The following SPATA31E1 variants were observed in gnomAD, a reference collection of about 807,000 sequenced individuals.
The protein encoded by SPATA31E1 is spermatogenesis-associated protein 31E1.
SPATA31E1 carries 7 observed loss-of-function variants against 12.9 expected under a neutral mutation model. The ratio of observed to expected loss-of-function variants is 0.54; its 90% CI spans 0.31 to 1.02. The LOEUF (loss-of-function observed/expected upper bound fraction) is 1.02, where lower values mean the gene tolerates loss of function less well. Ranked by LOEUF, SPATA31E1 falls within the 50% of genes least tolerant of loss-of-function variation. The pLI is 0.05. For synonymous variants in SPATA31E1, 771 were observed against 719.0 expected (o/e 1.07, Z -1.16); for missense variants, 1,961 against 1,799.8 (o/e 1.09, Z -1.62).
chr9:87,883,878 C>T, intron 1 of SPATA31E1, 114 bp from the exon 2 acceptor site: 2 of 1,156,596 alleles, frequency 1.7e-6, no homozygotes, highest in Non-Finnish European at 1.2e-6. Context: ...ACACAGAGCT[C>T]CCTGAGCTAG....
Position 87,885,928 on chromosome 9 carries a change from G to T in SPATA31E1, c.1441G>T (p.Glu481Ter). The change falls in exon 4 of 4, where the codon GAA becomes TAA. Residue 481 changes from glutamate to a stop codon, truncating the protein, a stop_gained. Transcript: ENST00000325643. LOFTEE classifies it low-confidence loss of function (END_TRUNC). ...LDKASTSLPG[E>*]PEVEASSQLS... ...TAAAGCCTCCACTTCTCTTCCAGGT[G>T]AACCTGAGGTTGAGGCATCCTCACA... The T allele has an allele frequency of 6.2e-7, 1 of 1,613,912 alleles. No individual in the cohort carries two copies. The highest frequency in any genetic ancestry group is 8.5e-7 in the Non-Finnish European group (1 of 1,180,006).
At position 87,887,289 on chromosome 9, in the gene SPATA31E1, G is replaced by A. The variant is rs199598056; in HGVS notation, c.2802G>A (p.Pro934=). ...PPEQEGVQRP[P]RGSQSADTHG... ...AGCAGGAGGGAGTCCAGAGGCCCCC[G>A]AGAGGGTCCCAGTCAGCTGATACCC... The change falls in exon 4 of 4, where the codon CCG becomes CCA. Residue 934 remains proline (P), a synonymous_variant. Transcript: ENST00000325643. 1.0e-4 allele frequency: 162 copies of A among 1,613,722 alleles called. No individual in the cohort carries two copies. Among genetic ancestry groups the A allele is most frequent in the Non-Finnish European group, 1.2e-4 (140 of 1,180,008 alleles).
At position 87,888,303 on chromosome 9, in the gene SPATA31E1, G is replaced by A. The variant is rs774912250; in HGVS notation, c.3816G>A (p.Gln1272=). 6.2e-7 allele frequency: 1 copy of A among 1,613,980 alleles called. No homozygotes were observed. Among genetic ancestry groups the A allele is most frequent in the African/African-American group, 1.3e-5 (1 of 74,912 alleles). ...HFQRKISHHP[Q]GLHPRKGGTR... Reference sequence around the variant, plus strand: ...AGAGAAAGATCAGTCACCATCCACAGGGTCTACACCCCAGGAAAGGAGGCA... The same window carrying A: ...AGAGAAAGATCAGTCACCATCCACAAGGTCTACACCCCAGGAAAGGAGGCA... Residue 1272 remains glutamine (Q), a synonymous_variant, in exon 4 of 4, where the codon CAG becomes CAA. Coordinates refer to ENST00000325643, the MANE Select transcript of SPATA31E1 (RefSeq NM_178828.5).
In SPATA31E1 at chr9:87,886,613, G is replaced by T; in HGVS notation, c.2126G>T (p.Gly709Val). 1 of 1,614,030 alleles carries T rather than the reference G, an allele frequency of 6.2e-7. No homozygotes were observed. The change falls in exon 4 of 4, where the codon GGG (glycine) becomes GTG (valine). Residue 709 changes from glycine to valine, a missense_variant. Physicochemically the swap from Gly to Val is moderately radical, Grantham distance 109 (BLOSUM62 -3). Coordinates refer to ENST00000325643, the MANE Select transcript of SPATA31E1 (RefSeq NM_178828.5). ...SGRFSDKGCL[G>V]SKLGPDPSRD... Reference sequence around the variant, plus strand: ...AGGTTCTCTGACAAGGGGTGCTTAGGGTCCAAACTAGGGCCGGACCCAAGC... The same window carrying T: ...AGGTTCTCTGACAAGGGGTGCTTAGTGTCCAAACTAGGGCCGGACCCAAGC...
At position 87,886,101 on chromosome 9, in the gene SPATA31E1, T is replaced by C. The variant is rs138762446; in HGVS notation, c.1614T>C (p.Ser538=). The change falls in exon 4 of 4, where the codon TCT becomes TCC. Residue 538 remains serine, a synonymous_variant. Coordinates refer to ENST00000325643, the MANE Select transcript of SPATA31E1 (RefSeq NM_178828.5). Reference sequence around the variant, plus strand: ...CTGTCCCAAGCCTGGGGTGCTCTTCTCCACCCCAGATTAGGGGCTGTGGGG... The same window carrying C: ...CTGTCCCAAGCCTGGGGTGCTCTTCCCCACCCCAGATTAGGGGCTGTGGGG... ...SPPVPSLGCS[S]PPQIRGCGAS... The C allele has an allele frequency of 6.2e-7, 1 of 1,605,860 alleles. No individual in the cohort carries two copies. The highest frequency in any genetic ancestry group is 1.1e-5 in the South Asian group (1 of 89,822).
At position 87,887,319 on chromosome 9, in the gene SPATA31E1, G is replaced by A; in HGVS notation, c.2832G>A (p.Gly944=). Residue 944 remains glycine (G), a synonymous_variant, in exon 4 of 4, where the codon GGG becomes GGA. Coordinates refer to ENST00000325643, the MANE Select transcript of SPATA31E1 (RefSeq NM_178828.5). ...PRGSQSADTH[G]RSEAFPTGHK... ...GGTCCCAGTCAGCTGATACCCATGG[G>A]CGATCAGAGGCCTTTCCGACTGGAC... 10 of 1,613,822 alleles carry A rather than the reference G, an allele frequency of 6.2e-6. No individual in the cohort carries two copies. Among genetic ancestry groups the A allele is most frequent in the Non-Finnish European group, 8.5e-6 (10 of 1,180,032 alleles).
Position 87,888,403 on chromosome 9 carries a change from A to C in SPATA31E1, c.3916A>C (p.Arg1306=), listed in dbSNP as rs1828327929. The C allele has an allele frequency of 6.2e-7, 1 of 1,614,170 alleles. No individual in the cohort carries two copies. The highest frequency in any genetic ancestry group is 8.5e-7 in the Non-Finnish European group (1 of 1,180,032). The part of the protein sequence containing the change: ...AFQSWGSGPP[R]QFMDCMADKA... ...CCAGAGCTGGGGGTCTGGCCCACCA[A>C]GGCAGTTTATGGACTGCATGGCTGA... Residue 1306 remains arginine, a synonymous_variant, in exon 4 of 4, where the codon AGG becomes CGG. Transcript: ENST00000325643.
Position 87,882,964 on chromosome 9 carries a change from C to A in SPATA31E1, c.73C>A (p.Pro25Thr). 6.2e-7 allele frequency: 1 copy of A among 1,612,670 alleles called. No individual in the cohort carries two copies. The highest frequency in any genetic ancestry group is 8.5e-7 in the Non-Finnish European group (1 of 1,179,774). ...TGAGAGTGGGCAGAGGATTCCACCC[C>A]CAGCTCCCAGACCATCTGTGGAGTG... is the stretch of plus-strand genomic sequence containing the variant. The part of the protein sequence containing the change: ...RVESGQRIPP[P>T]APRPSVECTG... Residue 25 changes from proline (P) to threonine (T), a missense_variant, in exon 1 of 4, where the codon CCA becomes ACA. By Grantham distance (38) the Pro-to-Thr change is conservative (BLOSUM62 -1). Transcript: ENST00000325643.
At position 87,885,168 on chromosome 9, in the gene SPATA31E1, C is replaced by T. The variant is rs781617551; in HGVS notation, c.681C>T (p.Pro227=). ...STLSASGPPE[P]LLPLKCPATQ... ...TGAGTGCCTCCGGGCCACCAGAGCCCTTGCTTCCCCTAAAATGCCCTGCAA... is the reference window on the plus strand; with the variant it reads ...TGAGTGCCTCCGGGCCACCAGAGCCTTTGCTTCCCCTAAAATGCCCTGCAA... The change falls in exon 4 of 4, where the codon CCC becomes CCT. Residue 227 remains proline, a synonymous_variant. Coordinates refer to ENST00000325643, the MANE Select transcript of SPATA31E1 (RefSeq NM_178828.5). 1.2e-6 allele frequency: 2 copies of T among 1,614,160 alleles called. No individual in the cohort carries two copies. Among genetic ancestry groups the T allele is most frequent in the Non-Finnish European group, 8.5e-7 (1 of 1,180,024 alleles).
rs747905483 is a variant in SPATA31E1, at chr9:87,886,086, C to T, written c.1599C>T (p.Ser533=). 5 of 1,608,280 alleles carry T rather than the reference C, an allele frequency of 3.1e-6. No individual in the cohort carries two copies. The highest frequency in any genetic ancestry group is 1.3e-5 in the African/African-American group (1 of 74,812). ...TQAHLSPPVP[S]LGCSSPPQIR... Reference sequence around the variant, plus strand: ...CCCACCTCTCACCCCCTGTCCCAAGCCTGGGGTGCTCTTCTCCACCCCAGA... The same window carrying T: ...CCCACCTCTCACCCCCTGTCCCAAGTCTGGGGTGCTCTTCTCCACCCCAGA... Residue 533 remains serine, a synonymous_variant, in exon 4 of 4, where the codon AGC becomes AGT. Coordinates refer to ENST00000325643, the MANE Select transcript of SPATA31E1 (RefSeq NM_178828.5).
chr9:87,888,578 GCCA>G lies in SPATA31E1; in HGVS notation c.4095_4097del (p.His1365del). On this transcript the variant is annotated inframe_deletion, in exon 4 of 4. Coordinates refer to ENST00000325643, the MANE Select transcript of SPATA31E1 (RefSeq NM_178828.5). ...CCTTCCTGCTGCCACAGGGGTCACT[GCCA>G]CCAAGAACGTAGCAGAGAGATGAGA... 6.2e-7 allele frequency: 1 copy of G among 1,614,156 alleles called. No homozygotes were observed. Among genetic ancestry groups the G allele is most frequent in the Non-Finnish European group, 8.5e-7 (1 of 1,180,032 alleles).
At position 87,888,039 on chromosome 9, in the gene SPATA31E1, G is replaced by T; in HGVS notation, c.3552G>T (p.Gly1184=). The stretch of plus-strand genomic sequence containing the variant: ...ACAGTCCAGGGCAGCAGGAGCCTGG[G>T]AGCCCAAAAGCAAAGGCCCCACAGA... ...GGDSPGQQEP[G]SPKAKAPQKS... Residue 1184 remains glycine (G), a synonymous_variant, in exon 4 of 4, where the codon GGG becomes GGT. Transcript: ENST00000325643. 1.9e-6 allele frequency: 3 copies of T among 1,609,698 alleles called. No homozygotes were observed. The highest frequency in any genetic ancestry group is 2.5e-6 in the Non-Finnish European group (3 of 1,178,190).
At position 87,887,408 on chromosome 9, in the gene SPATA31E1, G is replaced by C; in HGVS notation, c.2921G>C (p.Arg974Thr). The change falls in exon 4 of 4, where the codon AGG (arginine) becomes ACG (threonine). Residue 974 changes from arginine to threonine, a missense_variant. Physicochemically the swap from Arg to Thr is moderately conservative, Grantham distance 71 (BLOSUM62 -1). Coordinates refer to ENST00000325643, the MANE Select transcript of SPATA31E1 (RefSeq NM_178828.5). ...CSLVGRTWQS[R>T]TVLESGKPKP... ...CTTGTGGGCAGAACCTGGCAGAGCAGGACTGTCCTGGAATCCGGGAAACCC... is the reference window on the plus strand; with the variant it reads ...CTTGTGGGCAGAACCTGGCAGAGCACGACTGTCCTGGAATCCGGGAAACCC... The C allele has an allele frequency of 6.2e-7, 1 of 1,613,830 alleles. No homozygotes were observed. Among genetic ancestry groups the C allele is most frequent in the East Asian group, 2.2e-5 (1 of 44,878 alleles).
Position 87,885,736 on chromosome 9 carries a change from C to A in SPATA31E1, c.1249C>A (p.Pro417Thr), listed in dbSNP as rs1274492568. Residue 417 changes from proline to threonine, a missense_variant, in exon 4 of 4, where the codon CCC (proline) becomes ACC (threonine). By Grantham distance (38) the Pro-to-Thr change is conservative. Transcript: ENST00000325643. ...WNVSTQPQQL[P>T]RPQQVSDATT... ...CGTGTCAACCCAGCCACAGCAGCTG[C>A]CCCGTCCTCAGCAAGTCTCTGATGC... is the stretch of plus-strand genomic sequence containing the variant. The A allele has an allele frequency of 6.2e-7, 1 of 1,613,964 alleles. No individual in the cohort carries two copies. The highest frequency in any genetic ancestry group is 1.7e-5 in the Admixed American group (1 of 60,026).
Position 87,886,391 on chromosome 9 carries a change from T to C in SPATA31E1, c.1904T>C (p.Ile635Thr), listed in dbSNP as rs1361510140. The C allele has an allele frequency of 6.2e-7, 1 of 1,613,474 alleles. No homozygotes were observed. Among genetic ancestry groups the C allele is most frequent in the Admixed American group, 1.7e-5 (1 of 59,998 alleles). ...CACTGGTGGCAAGGAAGGAATGCCA[T>C]CCACCAGGAGCAGTCCTGTGGCCCT... is the stretch of plus-strand genomic sequence containing the variant. ...PEHWWQGRNAIHQEQSCGPPS... is the reference protein window; with the variant it reads ...PEHWWQGRNATHQEQSCGPPS... The change falls in exon 4 of 4, where the codon ATC (isoleucine) becomes ACC (threonine). Residue 635 changes from isoleucine (I) to threonine (T), a missense_variant. Ile to Thr is a moderately conservative substitution (Grantham distance 89). Transcript: ENST00000325643.
rs1212116634 is a variant in SPATA31E1 at position 87,883,076 on chromosome 9, C to A, written c.185C>A (p.Thr62Asn). The stretch of plus-strand genomic sequence containing the variant: ...GCCACATGGCTGAGCCCTAGCTCCA[C>A]TCCCTGGATGATGGATTTCATCCTC... ...PSATWLSPSS[T>N]PWMMDFILTS... Residue 62 changes from threonine to asparagine, a missense_variant, in exon 1 of 4, where the codon ACT becomes AAT. Coordinates refer to ENST00000325643, the MANE Select transcript of SPATA31E1 (RefSeq NM_178828.5). The A allele has an allele frequency of 6.8e-6, 11 of 1,612,522 alleles. No individual in the cohort carries two copies. The highest frequency in any genetic ancestry group is 2.7e-5 in the African/African-American group (2 of 74,896).
rs774340920 is a variant in SPATA31E1, at chr9:87,886,351, C to A, written c.1864C>A (p.Pro622Thr). ...APILPGVVTS[P>T]ELPEHWWQGR... Reference sequence around the variant, plus strand: ...CATCCTTCCCGGGGTTGTCACCAGCCCTGAGCTCCCAGAGCACTGGTGGCA... The same window carrying A: ...CATCCTTCCCGGGGTTGTCACCAGCACTGAGCTCCCAGAGCACTGGTGGCA... The change falls in exon 4 of 4, where the codon CCT (proline) becomes ACT (threonine). Residue 622 changes from proline (P) to threonine (T), a missense_variant. Physicochemically the swap from Pro to Thr is conservative, Grantham distance 38. Coordinates refer to ENST00000325643, the MANE Select transcript of SPATA31E1 (RefSeq NM_178828.5). 1.2e-6 allele frequency: 2 copies of A among 1,613,532 alleles called. No individual in the cohort carries two copies. The highest frequency in any genetic ancestry group is 8.5e-7 in the Non-Finnish European group (1 of 1,179,812).
intron 1 of SPATA31E1, 96 bp downstream of exon 1, chr9:87,883,296 G>A (rs909687307): frequency 2.6e-5 from 38 of 1,467,056 alleles, no homozygotes; most frequent in Admixed American, 1.8e-4. Context: ...ACCCTTCTGT[G>A]ATGGGAAATC....
At position 87,887,980 on chromosome 9, in the gene SPATA31E1, C is replaced by T; in HGVS notation, c.3493C>T (p.Gln1165Ter). 1 of 1,613,788 alleles carries T rather than the reference C, an allele frequency of 6.2e-7. No individual in the cohort carries two copies. The highest frequency in any genetic ancestry group is 1.1e-5 in the South Asian group (1 of 91,088). Residue 1165 changes from glutamine (Q) to a stop codon, truncating the protein, a stop_gained, in exon 4 of 4, where the codon CAG (glutamine) becomes TAG (stop). Transcript: ENST00000325643. LOFTEE classifies it low-confidence loss of function (END_TRUNC). ...SVSGKNMTAS[Q>*]GPCALLWKGG... Reference sequence around the variant, plus strand: ...GTCTGGTAAGAACATGACAGCTTCCCAGGGGCCATGTGCCCTCCTATGGAA... The same window carrying T: ...GTCTGGTAAGAACATGACAGCTTCCTAGGGGCCATGTGCCCTCCTATGGAA...
Sources: allele counts gnomAD v4.1 joint callset, GRCh38; gene constraint gnomAD v4.1.1; transcripts MANE v1.5; gene names NCBI Gene and HGNC (gene_info 2026-07-23, HGNC 2026-07-21).